Variants in WDR27 observed in about 807,000 individuals in gnomAD.
WDR27 encodes WD repeat domain 27.
Under a neutral mutation model 114.4 loss-of-function variants are expected in WDR27, and 100 were observed. The ratio of observed to expected loss-of-function variants is 0.87; its 90% CI spans 0.74 to 1.03. WDR27 has a LOEUF of 1.03. Ranked by LOEUF, WDR27 falls within the 50% of genes least tolerant of loss-of-function variation. WDR27 has a pLI of 0.00. For synonymous variants in WDR27, 449 were observed against 423.1 expected, an observed-to-expected ratio of 1.06 and a Z score of -0.75; for missense variants, 1,129 against 1,092.9, an observed-to-expected ratio of 1.03 and a Z score of -0.47.
intron 7 of WDR27, 112 bp downstream of exon 7, chr6:169,665,374 G>T: frequency 2.0e-6 from 3 of 1,463,886 alleles, no homozygotes; most frequent in Non-Finnish European, 1.8e-6. Flanking sequence ...AGGTGGACAG[G>T]TTTTTTCAAA....
At chr6:169,531,655 GTTTT>G (rs11342717) in intron 25 of WDR27, among the ~76,000 whole-genome samples, 1 of 133,026 alleles carries the variant, frequency 7.5e-6, no homozygotes. Flanking sequence ...TAAACAGTTT[GTTTT>G]TTTTTTTTTT....
chr6:169,601,162 A>C (rs1807905093), intron 23 of WDR27, among the ~76,000 whole-genome samples: 1 of 152,236 alleles, frequency 6.6e-6, no homozygotes, highest in African/African-American at 2.4e-5. Flanking sequence ...AATATTCAAC[A>C]TTCTTAAAGA....
chr6:169,476,595 G>A (rs28714971), intron 25 of WDR27, among the ~76,000 whole-genome samples: 2,257 of 151,986 alleles, frequency 0.015, 46 homozygotes, highest in African/African-American at 0.044. Flanking sequence ...ACCATGCTTC[G>A]TCACCCCCAT....
chr6:169,521,220 G>A (rs1228658507), intron 25 of WDR27, among the ~76,000 whole-genome samples: 1 of 152,044 alleles, frequency 6.6e-6, no homozygotes, highest in African/African-American at 2.4e-5. Context: ...CATGCCAGGA[G>A]TGAGTAGGAT....
In WDR27 at chr6:169,457,430, C is replaced by T. The variant is rs1784410278; in HGVS notation, c.*162G>A. 1 of 559,810 alleles carries T rather than the reference C, an allele frequency of 1.8e-6. No individual in the cohort carries two copies. The highest frequency in any genetic ancestry group is 2.7e-5 in the South Asian group (1 of 37,618). The allele number at this position is 559,810 out of a possible 1,614,324, so 34.7% of individuals were successfully genotyped here. A position where few individuals can be genotyped will look rare whatever the true frequency, so the allele number is the denominator to read the frequency against. ...ACATAAAACTCTGACATGGCACACA[C>T]AGAGGGGAGGAGCTTGCAAACGGGG... On this transcript the variant is annotated 3_prime_UTR_variant, in exon 26 of 26. Transcript: ENST00000448612.
At chr6:169,583,204 G>A (rs959185123) in intron 23 of WDR27, among the ~76,000 whole-genome samples, 1 of 149,188 alleles carries the variant, frequency 6.7e-6, no homozygotes, top group African/African-American at 2.5e-5. Flanking sequence ...AGTACCCTGT[G>A]AACAGTTTTA....
At chr6:169,438,746 G>A in the WDR27 span, among the ~76,000 whole-genome samples, 1 of 152,124 alleles carries the variant, frequency 6.6e-6, no homozygotes, top group South Asian at 2.1e-4. Context: ...TACTGTAGGA[G>A]GCTTTTCACT....
At chr6:169,647,637 T>A in intron 16 of WDR27, 136 bp downstream of exon 16, 2 of 828,440 alleles carry the variant, frequency 2.4e-6, no homozygotes, top group South Asian at 3.0e-5. Flanking sequence ...ACACAAACCA[T>A]GCCATGCAAC....
chr6:169,489,597 T>C (rs1789462621), intron 25 of WDR27, among the ~76,000 whole-genome samples: 1 of 152,212 alleles, frequency 6.6e-6, no homozygotes, highest in Non-Finnish European at 1.5e-5. Context: ...TACCACCTGA[T>C]CAGGACATTG....
chr6:169,493,419 T>C lies in WDR27; in HGVS notation c.2646-35785A>G, dbSNP rs144909505. Among the ~76,000 whole-genome samples, 661 of 152,232 alleles carry C rather than the reference T, an allele frequency of 4.3e-3. 3 individuals are homozygous for C. The highest frequency in any genetic ancestry group is 0.015 in the African/African-American group (638 of 41,556). On this transcript the variant is annotated intron_variant, in intron 25 of 25. Transcript: ENST00000448612. ...AACGAAAAAAGTTTAAGAAATCCAC[T>C]TCAGAAGCATATATACTACTGTCTC...
intron 25 of WDR27, among the ~76,000 whole-genome samples, chr6:169,526,345 G>C (rs12529773): frequency 0.093 from 14,162 of 152,228 alleles, 1,016 homozygotes; most frequent in South Asian, 0.28. Context: ...AGGCGCGGTG[G>C]CTCGCACCTG....
chr6:169,556,847 A>T (rs1398548866), intron 25 of WDR27, among the ~76,000 whole-genome samples: 1 of 152,208 alleles, frequency 6.6e-6, no homozygotes, highest in Non-Finnish European at 1.5e-5. Flanking sequence ...AATGCAAATT[A>T]AAACCACAAT....
At chr6:169,556,069 C>G (rs368447975) in intron 25 of WDR27, among the ~76,000 whole-genome samples, 4 of 152,264 alleles carry the variant, frequency 2.6e-5, no homozygotes, top group African/African-American at 9.6e-5. Context: ...GTGTGATGAA[C>G]CAAGGCATGC....
chr6:169,613,747 A>G, intron 21 of WDR27, 91 bp from the exon 22 acceptor site: 1 of 1,158,496 alleles, frequency 8.6e-7, no homozygotes, highest in Non-Finnish European at 1.2e-6. Context: ...CTGATTCTCA[A>G]GTAAGATATT....
At chr6:169,529,150 A>T (rs1250612326) in intron 25 of WDR27, among the ~76,000 whole-genome samples, 2 of 152,216 alleles carry the variant, frequency 1.3e-5, no homozygotes, top group African/African-American at 4.8e-5. Flanking sequence ...TGCAACCATC[A>T]TAACTAAGGA....
At chr6:169,464,988 G>A (rs1452469256) in intron 25 of WDR27, among the ~76,000 whole-genome samples, 1 of 151,710 alleles carries the variant, frequency 6.6e-6, no homozygotes, top group African/African-American at 2.4e-5. Flanking sequence ...TGGGTGTGGG[G>A]GCGCATGCCT....
intron 25 of WDR27, among the ~76,000 whole-genome samples, chr6:169,504,347 A>AT (rs1791733568): frequency 6.6e-6 from 1 of 152,196 alleles, no homozygotes; most frequent in East Asian, 1.9e-4. Flanking sequence ...GGGTAGGACC[A>AT]GGTGGAGATA....
chr6:169,434,522 C>T, the WDR27 span, among the ~76,000 whole-genome samples: 2 of 152,122 alleles, frequency 1.3e-5, no homozygotes, highest in Non-Finnish European at 2.9e-5. Flanking sequence ...TTGATGCCTC[C>T]AGCTTTTTAC....
At chr6:169,673,218 GA>G (rs2096566628) in intron 2 of WDR27, among the ~76,000 whole-genome samples, 1 of 152,084 alleles carries the variant, frequency 6.6e-6, no homozygotes, top group Admixed American at 6.5e-5. Flanking sequence ...AATACAGAGG[GA>G]AAATGGGATG....
Sources: allele counts gnomAD v4.1 joint callset (sites outside exome capture counted in the v4.1 genomes callset), GRCh38; gene constraint gnomAD v4.1.1; transcripts MANE v1.5; gene names NCBI Gene and HGNC (gene_info 2026-07-23, HGNC 2026-07-21).